SLCO3A1: variants seen among roughly 807,000 people sequenced by gnomAD.
The protein encoded by SLCO3A1 is solute carrier organic anion transporter family member 3A1, also known as PGE1 transporter.
SLCO3A1 carries 27 observed loss-of-function variants against 63.1 expected under a neutral mutation model. The ratio of observed to expected loss-of-function variants is 0.43; its 90% CI spans 0.32 to 0.59. The LOEUF is 0.59. Among genes scored for constraint, SLCO3A1 ranks in the 20% least tolerant of loss-of-function variants. SLCO3A1 has a pLI of 0.09. For missense variants in SLCO3A1, 773 were observed against 945.8 expected, an observed-to-expected ratio of 0.82 and a Z score of 2.40; for synonymous variants, 473 against 409.9, an observed-to-expected ratio of 1.15 and a Z score of -1.86.
intron 1 of SLCO3A1, among the ~76,000 whole-genome samples, chr15:91,904,188 A>T (rs1012445664): frequency 5.9e-5 from 9 of 152,144 alleles, no homozygotes; most frequent in African/African-American, 2.2e-4. Context: ...TCATGCACGG[A>T]TGTTCACCTC....
At chr15:91,920,176 C>G (rs371069277) in intron 2 of SLCO3A1, among the ~76,000 whole-genome samples, 1 of 152,172 alleles carries the variant, frequency 6.6e-6, no homozygotes, top group South Asian at 2.1e-4. Context: ...GAGTAACTTA[C>G]CCAAGCTCAT....
At position 91,872,729 on chromosome 15, in the gene SLCO3A1, C is replaced by A. The variant is rs1277725144; in HGVS notation, c.180+18641C>A. ...TTGATATTATTTTAACATGTTACCACCTGTGAGAGAACACTGTTCTCACTC... is the reference window on the plus strand; with the variant it reads ...TTGATATTATTTTAACATGTTACCAACTGTGAGAGAACACTGTTCTCACTC... On this transcript the variant is annotated intron_variant, in intron 1 of 9. Transcript: ENST00000318445. The surrounding 1 kb of genome is among the most constrained non-coding windows in gnomAD (Gnocchi z 4.1). 2.0e-5 allele frequency among the ~76,000 whole-genome samples: 3 copies of A among 152,142 alleles called. No homozygotes were observed. The highest frequency in any genetic ancestry group is 1.9e-4 in the East Asian group (1 of 5,192).
chr15:92,031,492 G>C (rs545717766), intron 2 of SLCO3A1, among the ~76,000 whole-genome samples: 1 of 152,244 alleles, frequency 6.6e-6, no homozygotes, highest in African/African-American at 2.4e-5. Context: ...TGCTCCTTGG[G>C]GCTGCAAAGG....
chr15:91,868,936 T>A (rs1395754444), intron 1 of SLCO3A1, among the ~76,000 whole-genome samples: 1 of 152,240 alleles, frequency 6.6e-6, no homozygotes, highest in Admixed American at 6.5e-5. Context: ...AAAATGACCT[T>A]ATTGTTTTTA....
At position 91,862,100 on chromosome 15, in the gene SLCO3A1, A is replaced by G. The variant is rs1897062295; in HGVS notation, c.180+8012A>G. Reference sequence around the variant, plus strand: ...AATAGTCCAAGTGGCATTTTAAGTTATCTGGTAATGGACTCAGAGAGCCCA... The same window carrying G: ...AATAGTCCAAGTGGCATTTTAAGTTGTCTGGTAATGGACTCAGAGAGCCCA... On this transcript the variant is annotated intron_variant, in intron 1 of 9. Transcript: ENST00000318445. This position sits in a 1 kb window ranked among gnomAD's most constrained non-coding sequence, Gnocchi z 4.0. Among the ~76,000 whole-genome samples, 1 of 152,040 alleles carries G rather than the reference A, an allele frequency of 6.6e-6. No individual in the cohort carries two copies. Among genetic ancestry groups the G allele is most frequent in the Non-Finnish European group, 1.5e-5 (1 of 68,000 alleles).
At chr15:92,128,734 G>A (rs1003634448) in intron 7 of SLCO3A1, among the ~76,000 whole-genome samples, 1 of 152,270 alleles carries the variant, frequency 6.6e-6, no homozygotes, top group East Asian at 1.9e-4. Context: ...CTGTATATAT[G>A]GAACCAAAGG....
At chr15:91,866,591 A>T (rs1455841326) in intron 1 of SLCO3A1, among the ~76,000 whole-genome samples, 1 of 150,286 alleles carries the variant, frequency 6.7e-6, no homozygotes, top group African/African-American at 2.5e-5. Context: ...AAAAAAAAAA[A>T]GAAAAAAAAA....
At chr15:92,146,481 C>T (rs544784334) in intron 7 of SLCO3A1, among the ~76,000 whole-genome samples, 3 of 152,362 alleles carry the variant, frequency 2.0e-5, no homozygotes, top group East Asian at 1.9e-4. Flanking sequence ...CTTGCAGACG[C>T]GGTGACTTCA....
intron 2 of SLCO3A1, among the ~76,000 whole-genome samples, chr15:91,925,685 C>A (rs1426461674): frequency 1.3e-5 from 2 of 152,140 alleles, no homozygotes; most frequent in African/African-American, 2.4e-5. Context: ...GGACCATCTT[C>A]TCTTGTAGGA....
intron 2 of SLCO3A1, among the ~76,000 whole-genome samples, chr15:92,016,237 A>AT (rs775797658): frequency 1.8e-3 from 107 of 59,994 alleles, no homozygotes; most frequent in Middle Eastern, 9.6e-3. Flanking sequence ...AGATAGATAG[A>AT]TAGATAGATA....
At chr15:92,124,030 G>A (rs1189225725) in intron 5 of SLCO3A1, among the ~76,000 whole-genome samples, 9 of 152,182 alleles carry the variant, frequency 5.9e-5, no homozygotes, top group South Asian at 4.1e-4. Flanking sequence ...CAGTGTGGAC[G>A]CTGGAGGCTG....
In SLCO3A1 at chr15:92,147,098, A is replaced by G; in HGVS notation, c.1627A>G (p.Met543Val). Residue 543 changes from methionine (M) to valine (V), a missense_variant, in exon 8 of 10, where the codon ATG (methionine) becomes GTG (valine). Around this residue, in one of 3 missense-constraint regions of SLCO3A1, gnomAD observed 565 missense variants for 749.8 expected, o/e 0.75. Transcript: ENST00000318445. ...GGCCTTCCTCACTTTCCTCTGTGTGATGTGTATCTGCAGCCTGATCGGTGC... is the reference window on the plus strand; with the variant it reads ...GGCCTTCCTCACTTTCCTCTGTGTGGTGTGTATCTGCAGCCTGATCGGTGC... ...QEAFLTFLCV[M>V]CICSLIGAMA... The G allele has an allele frequency of 1.2e-6, 2 of 1,612,104 alleles. No individual in the cohort carries two copies. Among genetic ancestry groups the G allele is most frequent in the Non-Finnish European group, 1.7e-6 (2 of 1,179,936 alleles).
exon 11 of SLCO3A1, chr15:92,171,900 C>T (rs1273347702): frequency 1.4e-6 from 2 of 1,469,210 alleles, no homozygotes; most frequent in African/African-American, 1.4e-5. Flanking sequence ...GAGAACAGCC[C>T]ACCACCACCC....
intron 2 of SLCO3A1, among the ~76,000 whole-genome samples, chr15:92,036,224 G>C (rs2046723892): frequency 6.6e-6 from 1 of 152,152 alleles, no homozygotes; most frequent in African/African-American, 2.4e-5. Flanking sequence ...ATTCTTTTCT[G>C]ATTTTTAAAG....
intron 9 of SLCO3A1, among the ~76,000 whole-genome samples, chr15:92,153,884 C>CTGGAGA (rs1444192438): frequency 5.3e-5 from 8 of 152,162 alleles, no homozygotes; most frequent in African/African-American, 1.9e-4. Context: ...GAAGATGGAG[C>CTGGAGA]TGGAGAGGGT....
At chr15:92,101,251 G>A (rs2151543044) in intron 3 of SLCO3A1, among the ~76,000 whole-genome samples, 1 of 152,302 alleles carries the variant, frequency 6.6e-6, no homozygotes, top group African/African-American at 2.4e-5. Flanking sequence ...GTTCACACCT[G>A]TAATCTCAGC....
intron 2 of SLCO3A1, among the ~76,000 whole-genome samples, chr15:92,057,861 G>A (rs985998955): frequency 6.6e-6 from 1 of 152,190 alleles, no homozygotes; most frequent in Middle Eastern, 3.2e-3. Flanking sequence ...CCTGAATGTG[G>A]ACCCAGCTTT....
chr15:91,951,080 T>C (rs1016970128), intron 2 of SLCO3A1, among the ~76,000 whole-genome samples: 35 of 152,158 alleles, frequency 2.3e-4, no homozygotes, highest in African/African-American at 8.2e-4. Context: ...TGAGATAGAA[T>C]TCACATACCA....
intron 2 of SLCO3A1, among the ~76,000 whole-genome samples, chr15:92,064,712 C>T (rs2047128465): frequency 6.6e-6 from 1 of 152,200 alleles, no homozygotes; most frequent in Non-Finnish European, 1.5e-5. Context: ...GAATTAAATT[C>T]TGTCATTTGC....
Sources: allele counts gnomAD v4.1 joint callset (sites outside exome capture counted in the v4.1 genomes callset), GRCh38; gene constraint gnomAD v4.1.1; regional missense constraint gnomAD v4.1.1; non-coding constraint Gnocchi (gnomAD v3.1); transcripts MANE v1.5; gene names NCBI Gene and HGNC (gene_info 2026-07-23, HGNC 2026-07-21).